SCAI: variants seen among roughly 807,000 people sequenced by gnomAD.
SCAI encodes protein SCAI.
SCAI carries 24 observed loss-of-function variants against 92.2 expected under a neutral mutation model. That is an observed-to-expected ratio of 0.26 (90% CI 0.19 to 0.37). The LOEUF (loss-of-function observed/expected upper bound fraction) is 0.37. Among genes scored for constraint, SCAI ranks in the 10% least tolerant of loss-of-function variants. The pLI is 1.00. For missense variants in SCAI, 450 were observed against 736.2 expected (o/e 0.61, Z 4.50); for synonymous variants, 261 against 258.6 (o/e 1.01, Z -0.09).
chr9:125,038,831 G>A (rs903588061), intron 3 of SCAI, among the ~76,000 whole-genome samples: 2 of 152,198 alleles, frequency 1.3e-5, no homozygotes, highest in African/African-American at 4.8e-5. Flanking sequence ...TGTCTTTGAT[G>A]TGAATTTTAA....
intron 3 of SCAI, among the ~76,000 whole-genome samples, chr9:125,040,729 C>T (rs1438820553): frequency 7.2e-5 from 11 of 151,974 alleles, no homozygotes; most frequent in East Asian, 1.9e-4. Flanking sequence ...TGGGTTCAAG[C>T]GTTCTCCTGA....
intron 3 of SCAI, among the ~76,000 whole-genome samples, chr9:125,054,871 T>C (rs1833632546): frequency 6.6e-6 from 1 of 152,178 alleles, no homozygotes; most frequent in African/African-American, 2.4e-5. Context: ...AACAGGGGCC[T>C]GCTCTTAGGG....
rs140245008 is a variant in SCAI, at chr9:125,091,864, C to G, written c.99-35857G>C. Among the ~76,000 whole-genome samples the G allele has an allele frequency of 0.022, 3,345 of 152,232 alleles. 125 individuals carry two copies. Among genetic ancestry groups the G allele is most frequent in the African/African-American group, 0.076 (3,146 of 41,510 alleles). On this transcript the variant is annotated intron_variant, in intron 2 of 17. Coordinates refer to ENST00000336505, the MANE Select transcript of SCAI (RefSeq NM_001144877.3). This position sits in a 1 kb window ranked among gnomAD's most constrained non-coding sequence, Gnocchi z 4.3. ...CAGTGGCTCACGCCTGTAATCCCAG[C>G]ACTGCGGGAGGCCGAGGCGAGCAGA...
At chr9:124,966,603 C>T (rs34566347) in intron 17 of SCAI, among the ~76,000 whole-genome samples, 28,442 of 151,834 alleles carry the variant, frequency 0.19, 3,121 homozygotes, top group Non-Finnish European at 0.24. Context: ...TTTATGTATT[C>T]ATGATATACC....
chr9:124,982,440 G>C (rs553029496), intron 14 of SCAI, among the ~76,000 whole-genome samples: 10 of 152,094 alleles, frequency 6.6e-5, no homozygotes, highest in African/African-American at 9.7e-5. Flanking sequence ...GGGAGGCCGA[G>C]GGGGGTGGTT....
intron 2 of SCAI, among the ~76,000 whole-genome samples, chr9:125,139,467 G>A (rs1035733891): frequency 3.3e-5 from 5 of 152,112 alleles, no homozygotes; most frequent in Admixed American, 1.3e-4. Context: ...CCAAAGCAAA[G>A]AGGGAACATA....
chr9:125,032,601 T>A (rs360204), intron 3 of SCAI, among the ~76,000 whole-genome samples: 105,200 of 147,744 alleles, frequency 0.71, 37,915 homozygotes, highest in African/African-American at 0.79. Context: ...AGAAAACCTG[T>A]TTACTAATAT....
At chr9:125,130,729 C>T (rs1214430516) in intron 2 of SCAI, among the ~76,000 whole-genome samples, 1 of 151,340 alleles carries the variant, frequency 6.6e-6, no homozygotes, top group Admixed American at 6.6e-5. Context: ...ATGATCTGCC[C>T]GCCTCAGCCT....
chr9:125,141,084 C>G (rs1280085898), intron 2 of SCAI, among the ~76,000 whole-genome samples: 4 of 151,946 alleles, frequency 2.6e-5, no homozygotes, highest in African/African-American at 7.3e-5. Context: ...ACTCACATAC[C>G]CAAGTTGTTC....
intron 17 of SCAI, among the ~76,000 whole-genome samples, chr9:124,954,467 C>A (rs1168637808): frequency 6.6e-6 from 1 of 152,182 alleles, no homozygotes; most frequent in African/African-American, 2.4e-5. Context: ...ACTGAAACAT[C>A]ACAGCAATCT....
intron 3 of SCAI, among the ~76,000 whole-genome samples, chr9:125,046,051 C>G (rs570859033): frequency 4.4e-4 from 67 of 151,186 alleles, no homozygotes; most frequent in African/African-American, 1.6e-3. Context: ...AATCCCACTA[C>G]TGGGTATCTA....
intron 2 of SCAI, among the ~76,000 whole-genome samples, chr9:125,114,742 C>A (rs1462264834): frequency 1.4e-5 from 2 of 145,518 alleles, no homozygotes; most frequent in African/African-American, 2.6e-5. Context: ...GTAGCTGGCG[C>A]TACAGGTGCG....
intron 9 of SCAI, among the ~76,000 whole-genome samples, chr9:125,017,736 C>T (rs1474314023): frequency 6.6e-6 from 1 of 152,004 alleles, no homozygotes; most frequent in Non-Finnish European, 1.5e-5. Flanking sequence ...TGGCCAAGTG[C>T]GGTGGCTCAC....
In SCAI at chr9:125,071,144, C is replaced by A. The variant is rs192342343; in HGVS notation, c.99-15137G>T. On this transcript the variant is annotated intron_variant, in intron 2 of 17. Coordinates refer to ENST00000336505, the MANE Select transcript of SCAI (RefSeq NM_001144877.3). ...ATGGAGGTGTGAGTCCATTAAACTT[C>A]TTTTCCTTTATATCACCCAGTCTCA... Among the ~76,000 whole-genome samples the A allele has an allele frequency of 9.7e-4, 148 of 152,300 alleles. 1 individual carries two copies. The highest frequency in any genetic ancestry group is 3.4e-3 in the African/African-American group (141 of 41,560).
intron 9 of SCAI, among the ~76,000 whole-genome samples, chr9:125,010,694 C>A (rs183296647): frequency 2.2e-3 from 331 of 152,296 alleles, no homozygotes; most frequent in African/African-American, 7.5e-3. Flanking sequence ...TCTCCCAGCA[C>A]GCAGCTTGAG....
intron 6 of SCAI, among the ~76,000 whole-genome samples, chr9:125,024,421 G>A (rs934486979): frequency 2.6e-5 from 4 of 151,930 alleles, no homozygotes; most frequent in African/African-American, 4.8e-5. Context: ...GACTACAGGC[G>A]CGTGCCACCA....
At chr9:125,076,554 A>AAAAG (rs1275369445) in intron 2 of SCAI, among the ~76,000 whole-genome samples, 2 of 149,988 alleles carry the variant, frequency 1.3e-5, no homozygotes, top group Non-Finnish European at 3.0e-5. Flanking sequence ...AAAAAACAAA[A>AAAAG]AAAGAAAGAA....
intron 3 of SCAI, among the ~76,000 whole-genome samples, chr9:125,036,329 A>G (rs1183222244): frequency 1.3e-5 from 2 of 152,172 alleles, no homozygotes; most frequent in Admixed American, 6.5e-5. Flanking sequence ...TACTATTTCT[A>G]TGGGGCAGGG....
chr9:125,007,776 G>C (rs546946783), intron 9 of SCAI, among the ~76,000 whole-genome samples: 22 of 151,890 alleles, frequency 1.4e-4, no homozygotes, highest in Middle Eastern at 3.4e-3. Context: ...TTCCACCCCA[G>C]TCTCCCAAGC....
Sources: gnomAD v4.1 joint callset for allele counts (sites outside exome capture counted in the v4.1 genomes callset) on GRCh38, gnomAD v4.1.1 for gene constraint, Gnocchi (gnomAD v3.1) non-coding constraint, MANE v1.5 for transcripts, NCBI Gene and HGNC (gene_info 2026-07-23, HGNC 2026-07-21) for gene names.